AP3S1: variants seen among roughly 807,000 people sequenced by gnomAD.
AP3S1 encodes AP-3 complex subunit sigma-1.
Under a neutral mutation model 21.3 loss-of-function variants are expected in AP3S1, and 12 were observed. The ratio of observed to expected loss-of-function variants is 0.56; its 90% CI spans 0.36 to 0.91. The LOEUF is 0.91. Ranked by LOEUF, AP3S1 falls within the 40% of genes least tolerant of loss-of-function variation. The pLI is 0.01. For synonymous variants in AP3S1, 48 were observed against 78.4 expected (o/e 0.61, Z 2.05); for missense variants, 116 against 225.0 (o/e 0.52, Z 3.10).
At chr5:115,875,969 A>C (rs533262856) in intron 3 of AP3S1, among the ~76,000 whole-genome samples, 26 of 152,146 alleles carry the variant, frequency 1.7e-4, no homozygotes, top group Non-Finnish European at 3.4e-4. Context: ...AAATCCTGGT[A>C]TCAAATTTGA....
intron 1 of AP3S1, among the ~76,000 whole-genome samples, chr5:115,853,863 T>C (rs1762616489): frequency 6.6e-6 from 1 of 152,234 alleles, no homozygotes; most frequent in South Asian, 2.1e-4. Context: ...CAGCTTTTTG[T>C]TATTTCAGTA....
At chr5:115,847,187 A>G (rs1350444752) in intron 1 of AP3S1, among the ~76,000 whole-genome samples, 1 of 152,158 alleles carries the variant, frequency 6.6e-6, no homozygotes, top group Non-Finnish European at 1.5e-5. Context: ...ATCAACATCC[A>G]ACTTTGGATT....
intron 4 of AP3S1, among the ~76,000 whole-genome samples, chr5:115,897,257 C>T (rs1360806185): frequency 2.6e-5 from 4 of 152,018 alleles, no homozygotes; most frequent in Non-Finnish European, 5.9e-5. Flanking sequence ...TTGTGTTAGC[C>T]TGTTCATTTT....
chr5:115,848,430 ACT>A (rs1347961581), intron 1 of AP3S1, among the ~76,000 whole-genome samples: 6 of 152,154 alleles, frequency 3.9e-5, no homozygotes, highest in Admixed American at 3.9e-4. Flanking sequence ...ATGTTCAGCC[ACT>A]CTCTTGTTAA....
At chr5:115,881,890 G>A (rs1226347428) in intron 3 of AP3S1, among the ~76,000 whole-genome samples, 1 of 151,996 alleles carries the variant, frequency 6.6e-6, no homozygotes, top group Admixed American at 6.6e-5. Context: ...TGGAGACATT[G>A]TTTGTTCCTT....
chr5:115,913,314 C>G (rs373670466), intron 5 of AP3S1, 48 bp from the exon 6 acceptor site: 3 of 1,139,576 alleles, frequency 2.6e-6, no homozygotes, highest in Non-Finnish European at 3.3e-6. Flanking sequence ...TGATGAGCTA[C>G]ACCTGAGTTG....
At chr5:115,868,292 A>G (rs1003041952) in intron 2 of AP3S1, among the ~76,000 whole-genome samples, 3 of 152,228 alleles carry the variant, frequency 2.0e-5, no homozygotes, top group African/African-American at 7.2e-5. Flanking sequence ...AAGTTTTAAG[A>G]TAATCACTAA....
intron 1 of AP3S1, among the ~76,000 whole-genome samples, chr5:115,862,945 C>T (rs1357982265): frequency 1.3e-5 from 2 of 152,128 alleles, no homozygotes; most frequent in African/African-American, 4.8e-5. Context: ...TCAATGAATC[C>T]AGCAAAAGGA....
chr5:115,903,505 T>C (rs1015323807), intron 5 of AP3S1: 3 of 152,874 alleles, frequency 2.0e-5, no homozygotes, highest in African/African-American at 7.2e-5. Context: ...AATACCTTAA[T>C]CTTTTAATTC....
chr5:115,886,025 A>G (rs1302564512), intron 3 of AP3S1, among the ~76,000 whole-genome samples: 2 of 152,128 alleles, frequency 1.3e-5, no homozygotes, highest in East Asian at 1.9e-4. Flanking sequence ...GAAATAATAT[A>G]TTATTTGTTG....
intron 3 of AP3S1, among the ~76,000 whole-genome samples, chr5:115,893,153 G>A (rs1259151062): frequency 6.6e-6 from 1 of 151,916 alleles, no homozygotes; most frequent in Admixed American, 6.6e-5. Flanking sequence ...ACTCAATATC[G>A]TAATCCTTGA....
chr5:115,861,263 G>T (rs547848112), intron 1 of AP3S1, among the ~76,000 whole-genome samples: 1 of 152,122 alleles, frequency 6.6e-6, no homozygotes, highest in Non-Finnish European at 1.5e-5. Flanking sequence ...GTTCCCAGAC[G>T]GAAGTGGGAA....
intron 1 of AP3S1, among the ~76,000 whole-genome samples, chr5:115,850,821 G>A (rs1202494210): frequency 1.3e-5 from 2 of 152,132 alleles, no homozygotes; most frequent in African/African-American, 4.8e-5. Flanking sequence ...ACAGTTGCCT[G>A]GGAGACTCAG....
intron 3 of AP3S1, among the ~76,000 whole-genome samples, chr5:115,878,805 G>A (rs746309056): frequency 1.3e-5 from 2 of 152,070 alleles, no homozygotes; most frequent in South Asian, 2.1e-4. Flanking sequence ...CCATTTTCAC[G>A]ATACTGATTC....
chr5:115,859,656 T>G (rs1763030135), intron 1 of AP3S1, among the ~76,000 whole-genome samples: 2 of 152,172 alleles, frequency 1.3e-5, no homozygotes, highest in Admixed American at 1.3e-4. Context: ...CCACCTAAAT[T>G]CAAGGGAGGG....
chr5:115,866,435 T>C (rs1168517676), intron 1 of AP3S1, among the ~76,000 whole-genome samples: 6 of 152,198 alleles, frequency 3.9e-5, no homozygotes, highest in African/African-American at 1.4e-4. Flanking sequence ...TTTTGAAACT[T>C]AGAAATGTGT....
At chr5:115,881,379 T>C (rs574608896) in intron 3 of AP3S1, among the ~76,000 whole-genome samples, 1 of 152,302 alleles carries the variant, frequency 6.6e-6, no homozygotes, top group South Asian at 2.1e-4. Context: ...CAGGAGCTCT[T>C]GTAAGGCAGG....
chr5:115,855,135 C>G (rs1360178878), intron 1 of AP3S1, among the ~76,000 whole-genome samples: 3 of 152,036 alleles, frequency 2.0e-5, no homozygotes, highest in African/African-American at 7.2e-5. Flanking sequence ...CTCCTGGGTT[C>G]AAGCGATTCT....
At chr5:115,908,430 G>T (rs959300156) in intron 5 of AP3S1, among the ~76,000 whole-genome samples, 2 of 152,236 alleles carry the variant, frequency 1.3e-5, no homozygotes, top group Admixed American at 1.3e-4. Context: ...ATGGTGGAAG[G>T]TCAGCTCATG....
Sources: allele counts gnomAD v4.1 joint callset (sites outside exome capture counted in the v4.1 genomes callset), GRCh38; gene constraint gnomAD v4.1.1; transcripts MANE v1.5; gene names NCBI Gene and HGNC (gene_info 2026-07-23, HGNC 2026-07-21).